Variants in TBC1D5 observed in about 807,000 individuals in gnomAD.
The protein encoded by TBC1D5 is TBC1 domain family, member 5.
A neutral mutation model predicts 100.3 loss-of-function variants in TBC1D5; 75 were observed. The ratio of observed to expected loss-of-function variants is 0.75; its 90% CI spans 0.62 to 0.91. TBC1D5 has a LOEUF of 0.91. TBC1D5 is among the 40% of genes least tolerant of loss of function. The pLI is 0.00. For synonymous variants in TBC1D5, 323 were observed against 325.6 expected, an observed-to-expected ratio of 0.99 and a Z score of 0.09; for missense variants, 910 against 942.4, an observed-to-expected ratio of 0.97 and a Z score of 0.45.
intron 3 of TBC1D5, among the ~76,000 whole-genome samples, chr3:17,490,069 G>A (rs996362233): frequency 1.3e-5 from 2 of 152,108 alleles, no homozygotes; most frequent in Non-Finnish European, 2.9e-5. Flanking sequence ...TCTCACTGTG[G>A]TTTTGATCTG....
intron 1 of TBC1D5, among the ~76,000 whole-genome samples, chr3:17,695,809 C>T (rs751002020): frequency 4.6e-5 from 7 of 152,214 alleles, no homozygotes; most frequent in Admixed American, 1.3e-4. Flanking sequence ...TTCTCAGCAC[C>T]ATATCGCACT....
chr3:17,687,036 TATCCTGG>T (rs1055691973), intron 1 of TBC1D5, among the ~76,000 whole-genome samples: 1 of 152,128 alleles, frequency 6.6e-6, no homozygotes, highest in African/African-American at 2.4e-5. Flanking sequence ...TATAGTGAAA[TATCCTGG>T]ATAAAAAAAG....
chr3:17,735,789 G>C lies in TBC1D5; in HGVS notation c.-101+3554C>G, dbSNP rs142060319. Among the ~76,000 whole-genome samples the C allele has an allele frequency of 2.6e-3, 397 of 152,336 alleles. 7 individuals carry two copies. The highest frequency in any genetic ancestry group is 0.017 in the Middle Eastern group (5 of 294). On this transcript the variant is annotated intron_variant, in intron 1 of 21. Transcript: ENST00000253692. ...CCCTGCTGGATCTGGAGGGGTGGAA[G>C]TCAGCAGCAGGTGTGCGACGACAGC... is the stretch of plus-strand genomic sequence containing the variant.
At chr3:17,663,243 CAATA>C (rs1404769488) in intron 1 of TBC1D5, 3 of 146,570 alleles carry the variant, frequency 2.0e-5, no homozygotes, top group African/African-American at 7.5e-5. Context: ...TTATGTAGAA[CAATA>C]TATATTTGAT....
chr3:17,690,843 G>A (rs936096275), intron 1 of TBC1D5, among the ~76,000 whole-genome samples: 4 of 152,184 alleles, frequency 2.6e-5, no homozygotes, highest in African/African-American at 9.7e-5. Context: ...TGCCAAAAAG[G>A]GGGGACTGCT....
intron 13 of TBC1D5, among the ~76,000 whole-genome samples, chr3:17,345,656 A>T (rs1454552811): frequency 7.9e-5 from 12 of 151,418 alleles, no homozygotes; most frequent in Non-Finnish European, 1.5e-4. Context: ...AATAGCAAAG[A>T]CTTGGAACCA....
At chr3:17,293,242 C>CT (rs775642457) in intron 14 of TBC1D5, among the ~76,000 whole-genome samples, 2 of 152,158 alleles carry the variant, frequency 1.3e-5, no homozygotes, top group South Asian at 2.1e-4. Flanking sequence ...ACCTGCTGTC[C>CT]TTTTTTTCTC....
chr3:17,347,285 C>T (rs1414408288), intron 13 of TBC1D5, among the ~76,000 whole-genome samples: 3 of 152,110 alleles, frequency 2.0e-5, no homozygotes, highest in African/African-American at 7.2e-5. Flanking sequence ...CATCTGATAT[C>T]AAGCACCTGA....
chr3:17,548,521 G>A (rs776499175), intron 2 of TBC1D5, among the ~76,000 whole-genome samples: 1 of 152,122 alleles, frequency 6.6e-6, no homozygotes, highest in Non-Finnish European at 1.5e-5. Flanking sequence ...AAAAGGAACA[G>A]TAAGACAAAT....
At chr3:17,469,888 T>G (rs1381684641) in intron 3 of TBC1D5, among the ~76,000 whole-genome samples, 1 of 152,264 alleles carries the variant, frequency 6.6e-6, no homozygotes, top group Non-Finnish European at 1.5e-5. Context: ...TATAACTTAC[T>G]GTACAGGAAA....
chr3:17,444,942 C>A lies in TBC1D5; in HGVS notation c.98-16423G>T, dbSNP rs17043634. Among the ~76,000 whole-genome samples, 1,470 of 152,174 alleles carry A rather than the reference C, an allele frequency of 9.7e-3. 16 individuals carry two copies. Among genetic ancestry groups the A allele is most frequent in the African/African-American group, 0.033 (1,369 of 41,526 alleles). On this transcript the variant is annotated intron_variant, in intron 3 of 21. Coordinates refer to ENST00000253692, the Ensembl canonical transcript of TBC1D5. The stretch of plus-strand genomic sequence containing the variant: ...TAAATGTATTCCTACAGCTACTAAC[C>A]ATACAGCATACTATACAGAACTGTC...
chr3:17,565,140 A>G (rs1171229831), intron 2 of TBC1D5, among the ~76,000 whole-genome samples: 1 of 152,130 alleles, frequency 6.6e-6, no homozygotes, highest in Non-Finnish European at 1.5e-5. Context: ...AATGGAACCT[A>G]TTAACTTTTT....
chr3:17,501,785 T>C (rs1326278279), intron 3 of TBC1D5, among the ~76,000 whole-genome samples: 1 of 149,556 alleles, frequency 6.7e-6, no homozygotes, highest in Non-Finnish European at 1.5e-5. Context: ...TGAATTCTGC[T>C]GGACATAATC....
At chr3:17,677,180 C>A (rs2068752052) in intron 1 of TBC1D5, among the ~76,000 whole-genome samples, 1 of 152,118 alleles carries the variant, frequency 6.6e-6, no homozygotes, top group African/African-American at 2.4e-5. Context: ...AGAGCTTCTG[C>A]ACAGCAAAAG....
chr3:17,284,206 C>T (rs2080924960), intron 15 of TBC1D5, among the ~76,000 whole-genome samples: 1 of 152,030 alleles, frequency 6.6e-6, no homozygotes, highest in South Asian at 2.1e-4. Flanking sequence ...CAACCTCCAC[C>T]TTCCAAGTTC....
chr3:17,264,716 A>G (rs2078675027), intron 15 of TBC1D5, among the ~76,000 whole-genome samples: 1 of 152,196 alleles, frequency 6.6e-6, no homozygotes, highest in African/African-American at 2.4e-5. Context: ...AGTTAGTTAC[A>G]TTCTAAGCTC....
intron 1 of TBC1D5, among the ~76,000 whole-genome samples, chr3:17,681,836 T>C (rs2069518631): frequency 6.6e-6 from 1 of 151,560 alleles, no homozygotes; most frequent in African/African-American, 2.4e-5. Flanking sequence ...AAGCTTCCTC[T>C]GTATTTACGG....
intron 1 of TBC1D5, among the ~76,000 whole-genome samples, chr3:17,624,552 A>T (rs2062912482): frequency 6.6e-6 from 1 of 152,146 alleles, no homozygotes; most frequent in South Asian, 2.1e-4. Flanking sequence ...TGTGATCTTA[A>T]ATTACAAGTT....
At chr3:17,493,232 ATT>A (rs540416620) in intron 3 of TBC1D5, among the ~76,000 whole-genome samples, 2 of 143,716 alleles carry the variant, frequency 1.4e-5, no homozygotes, top group African/African-American at 2.5e-5. Flanking sequence ...GTTGGAAATT[ATT>A]TTTTTTTTTT....
Sources: gnomAD v4.1 joint callset for allele counts (sites outside exome capture counted in the v4.1 genomes callset) on GRCh38, gnomAD v4.1.1 for gene constraint, MANE v1.5 for transcripts, NCBI Gene and HGNC (gene_info 2026-07-23, HGNC 2026-07-21) for gene names.